RETREG1: variants seen among roughly 807,000 people sequenced by gnomAD.
RETREG1 encodes the protein family with sequence similarity 134 member B.
In RETREG1, 44 loss-of-function variants were observed where a neutral mutation model predicts 54.8. The ratio of observed to expected loss-of-function variants is 0.80; its 90% CI spans 0.63 to 1.03. The LOEUF is 1.03. Ranked by LOEUF, RETREG1 falls within the 50% of genes least tolerant of loss-of-function variation. The probability of loss-of-function intolerance (pLI) is 0.00; values close to 1 mark genes in which losing one functional copy is unlikely to be tolerated. For synonymous variants in RETREG1, 217 were observed against 238.5 expected, an observed-to-expected ratio of 0.91 and a Z score of 0.83; for missense variants, 554 against 605.1, an observed-to-expected ratio of 0.92 and a Z score of 0.89.
intron 1 of RETREG1, among the ~76,000 whole-genome samples, chr5:16,590,816 A>G (rs1742744422): frequency 6.7e-6 from 1 of 150,002 alleles, no homozygotes; most frequent in South Asian, 2.1e-4. Context: ...AAACACACAG[A>G]CATGCAAACA....
At chr5:16,492,715 AT>A (rs1018582748) in intron 3 of RETREG1, among the ~76,000 whole-genome samples, 1 of 152,040 alleles carries the variant, frequency 6.6e-6, no homozygotes, top group African/African-American at 2.4e-5. Context: ...ATGTGTTAGA[AT>A]TTTTTTTAAT....
intron 3 of RETREG1, among the ~76,000 whole-genome samples, chr5:16,494,071 A>C (rs1307424016): frequency 6.6e-6 from 1 of 152,190 alleles, no homozygotes; most frequent in Non-Finnish European, 1.5e-5. Flanking sequence ...TCTCTCATTT[A>C]TGTTCACATA....
intron 3 of RETREG1, among the ~76,000 whole-genome samples, chr5:16,484,725 A>C (rs995506615): frequency 6.6e-6 from 1 of 152,150 alleles, no homozygotes; most frequent in East Asian, 1.9e-4. Flanking sequence ...AGTTTAAATG[A>C]GTGCAATAGC....
chr5:16,605,011 A>T (rs1743146601), intron 1 of RETREG1, among the ~76,000 whole-genome samples: 1 of 152,216 alleles, frequency 6.6e-6, no homozygotes, highest in African/African-American at 2.4e-5. Context: ...TCCATTATAT[A>T]TGCACCTTGG....
At chr5:16,603,550 G>A (rs939370920) in intron 1 of RETREG1, among the ~76,000 whole-genome samples, 2 of 152,172 alleles carry the variant, frequency 1.3e-5, no homozygotes, top group African/African-American at 4.8e-5. Flanking sequence ...CCTGGTGGGA[G>A]AGCGGCTGCC....
At chr5:16,567,632 C>T (rs1337371792) in intron 2 of RETREG1, among the ~76,000 whole-genome samples, 2 of 152,164 alleles carry the variant, frequency 1.3e-5, no homozygotes, top group Non-Finnish European at 2.9e-5. Flanking sequence ...CCTCCTCCCA[C>T]AGCACAGGGC....
At chr5:16,606,647 C>T (rs1017300699) in intron 1 of RETREG1, among the ~76,000 whole-genome samples, 29 of 152,148 alleles carry the variant, frequency 1.9e-4, no homozygotes, top group Non-Finnish European at 4.1e-4. Flanking sequence ...AGCCCATAGC[C>T]TTTCTCTCCC....
At chr5:16,616,273 C>T in intron 1 of RETREG1, 1 of 229,038 alleles carries the variant, frequency 4.4e-6, no homozygotes, top group Non-Finnish European at 8.5e-6. Flanking sequence ...CTGCAAGAAC[C>T]AAGACACGTT....
intron 1 of RETREG1, among the ~76,000 whole-genome samples, chr5:16,602,789 C>G (rs1055761720): frequency 1.3e-5 from 2 of 152,068 alleles, no homozygotes; most frequent in African/African-American, 4.8e-5. Flanking sequence ...GGGCAGATCA[C>G]CTGAGGTTGG....
intron 1 of RETREG1, among the ~76,000 whole-genome samples, chr5:16,580,843 T>G (rs1224054838): frequency 6.6e-6 from 1 of 152,160 alleles, no homozygotes; most frequent in Admixed American, 6.5e-5. Flanking sequence ...TCACCTGGGC[T>G]AAGGAAGTCA....
At chr5:16,583,575 C>T (rs1742549280) in intron 1 of RETREG1, among the ~76,000 whole-genome samples, 2 of 151,938 alleles carry the variant, frequency 1.3e-5, no homozygotes. Flanking sequence ...GGAAAATTTT[C>T]CATTACTCCA....
At position 16,528,566 on chromosome 5, in the gene RETREG1, C is replaced by A. The variant is rs115455258; in HGVS notation, c.458+37197G>T. On this transcript the variant is annotated intron_variant, in intron 3 of 8. Transcript: ENST00000306320. ...GGGGCCAAGGAGGAGTGAGACCTGT[C>A]CCAGGTGATAGCAGGGGGTTCTGAG... 6.8e-3 allele frequency among the ~76,000 whole-genome samples: 1,041 copies of A among 152,228 alleles called. 7 individuals carry two copies. The highest frequency in any genetic ancestry group is 0.024 in the African/African-American group (994 of 41,546).
At position 16,572,194 on chromosome 5, in the gene RETREG1, G is replaced by A. The variant is rs1222229071; in HGVS notation, c.321-92C>T. On this transcript the variant is annotated intron_variant, in intron 1 of 8. Coordinates refer to ENST00000306320, the MANE Select transcript of RETREG1 (RefSeq NM_001034850.3). The stretch of plus-strand genomic sequence containing the variant: ...ACTTCCTGCCACAGAAACAAAAAAG[G>A]TATTCAATAATGATTTCACTTTTTT... 7 of 838,590 alleles carry A rather than the reference G, an allele frequency of 8.3e-6. No homozygotes were observed. The African/African-American group carries it at 1.0e-4, about 12-fold the overall frequency. The allele number at this position is 838,590 out of a possible 1,614,324, so 51.9% of individuals were successfully genotyped here. A position where few individuals can be genotyped will look rare whatever the true frequency, so the allele number is the denominator to read the frequency against.
chr5:16,538,224 C>T (rs775680078), intron 3 of RETREG1, among the ~76,000 whole-genome samples: 6 of 152,060 alleles, frequency 3.9e-5, no homozygotes, highest in Non-Finnish European at 5.9e-5. Flanking sequence ...AAGACCAAGC[C>T]GGTCGACATC....
intron 4 of RETREG1, among the ~76,000 whole-genome samples, chr5:16,481,856 GTCT>G (rs1738788147): frequency 6.6e-6 from 1 of 151,932 alleles, no homozygotes; most frequent in Non-Finnish European, 1.5e-5. Context: ...TTACCATAAA[GTCT>G]TCACCTGATT....
intron 1 of RETREG1, among the ~76,000 whole-genome samples, chr5:16,598,645 T>G (rs1742967803): frequency 6.6e-6 from 1 of 152,330 alleles, no homozygotes; most frequent in East Asian, 1.9e-4. Flanking sequence ...TACCTGTTAC[T>G]CATATTTGTC....
rs1423480079 is a variant in RETREG1 at position 16,474,979 on chromosome 5, G to C, written c.1256C>G (p.Ala419Gly). 1 of 1,613,758 alleles carries C rather than the reference G, an allele frequency of 6.2e-7. No individual in the cohort carries two copies. The highest frequency in any genetic ancestry group is 1.3e-5 in the African/African-American group (1 of 74,904). The stretch of plus-strand genomic sequence containing the variant: ...GTCTTTGATAGCTGCAGTCACTGCA[G>C]CTGTGATAACATCCCCAGCCAGGTT... ...MSNLAGDVIT[A>G]AVTAAIKDQL... The change falls in exon 9 of 9, where the codon GCT becomes GGT. Residue 419 changes from alanine (A) to glycine (G), a missense_variant. Around this residue, in one of 4 missense-constraint regions of RETREG1, gnomAD observed 347 missense variants for 412.3 expected, o/e 0.84. Transcript: ENST00000306320.
intron 3 of RETREG1, among the ~76,000 whole-genome samples, chr5:16,525,342 T>G (rs918672310): frequency 4.0e-5 from 6 of 151,072 alleles, no homozygotes; most frequent in African/African-American, 1.5e-4. Flanking sequence ...CGGGTAACAC[T>G]GTGCTGATCT....
At chr5:16,535,648 TGC>T (rs1741045548) in intron 3 of RETREG1, among the ~76,000 whole-genome samples, 5 of 143,818 alleles carry the variant, frequency 3.5e-5, no homozygotes, top group African/African-American at 1.1e-4. Context: ...GGTTCCTGTG[TGC>T]ACGCTGCCTT....
Sources: gnomAD v4.1 joint callset for allele counts (sites outside exome capture counted in the v4.1 genomes callset) on GRCh38, gnomAD v4.1.1 for gene constraint, gnomAD v4.1.1 regional missense constraint, MANE v1.5 for transcripts, NCBI Gene and HGNC (gene_info 2026-07-23, HGNC 2026-07-21) for gene names.